MYH11: variants seen among roughly 807,000 people sequenced by gnomAD.
MYH11 encodes myosin heavy chain 11, also known as myosin-11.
In MYH11, 80 loss-of-function variants were observed where a neutral mutation model predicts 246.6. The observed-to-expected ratio is 0.32, with a 90% confidence interval of 0.27 to 0.39. The LOEUF (loss-of-function observed/expected upper bound fraction) is 0.39. Among genes scored for constraint, MYH11 ranks in the 10% least tolerant of loss-of-function variants. The pLI is 1.00. For missense variants in MYH11, 2,158 were observed against 2,546.8 expected (o/e 0.85, Z 3.29); for synonymous variants, 1,071 against 1,015.5 (o/e 1.05, Z -1.04).
intron 3 of MYH11, among the ~76,000 whole-genome samples, chr16:15,803,626 G>C (rs1237443892): frequency 6.6e-6 from 1 of 152,168 alleles, no homozygotes; most frequent in Non-Finnish European, 1.5e-5. Flanking sequence ...AGAACCTCCT[G>C]GGACCGGCCC....
At chr16:15,732,735 C>T (rs1201328914) in intron 26 of MYH11, 27 bp from the exon 27 acceptor site, 2 of 1,613,962 alleles carry the variant, frequency 1.2e-6, no homozygotes, top group Non-Finnish European at 1.7e-6. Context: ...CAGTGAATGG[C>T]AGTTGGGTGG....
At chr16:15,713,430 G>A (rs1298536138) in intron 40 of MYH11, 2 of 152,242 alleles carry the variant, frequency 1.3e-5, no homozygotes, top group Non-Finnish European at 2.9e-5. Flanking sequence ...AGCAGAGAGT[G>A]AGAAGATGAG....
At chr16:15,793,615 C>CTTTTTTTTTTTTTTTTTT (rs572455483) in intron 4 of MYH11, among the ~76,000 whole-genome samples, 1 of 93,820 alleles carries the variant, frequency 1.1e-5, no homozygotes, top group Non-Finnish European at 2.0e-5. Flanking sequence ...CTTTTCTTTT[C>CTTTTTTTTTTTTTTTTTT]TTTTTTTTTT....
intron 3 of MYH11, among the ~76,000 whole-genome samples, chr16:15,799,257 C>T (rs1362702065): frequency 6.6e-6 from 1 of 152,174 alleles, no homozygotes; most frequent in Non-Finnish European, 1.5e-5. Context: ...TAAGTACCTT[C>T]AACAAAGAGG....
At chr16:15,800,615 G>A (rs770788952) in intron 3 of MYH11, among the ~76,000 whole-genome samples, 18 of 151,084 alleles carry the variant, frequency 1.2e-4, no homozygotes, top group Non-Finnish European at 2.5e-4. Flanking sequence ...ATGGATGGAT[G>A]GATGGATGGA....
At chr16:15,715,138 G>A (rs769561428) in intron 39 of MYH11, 26 bp downstream of exon 39, 88 of 1,612,562 alleles carry the variant, frequency 5.5e-5, no homozygotes, top group Non-Finnish European at 2.5e-5. Context: ...CTGGGGGCTC[G>A]AGGGAGGCTG....
intron 4 of MYH11, among the ~76,000 whole-genome samples, chr16:15,789,044 T>C (rs1402778269): frequency 6.6e-6 from 1 of 152,154 alleles, no homozygotes; most frequent in Non-Finnish European, 1.5e-5. Flanking sequence ...CTTTGCTAAA[T>C]GCTCTACATG....
chr16:15,724,134 G>A (rs751888585), intron 31 of MYH11, 27 bp downstream of exon 31: 12 of 1,611,980 alleles, frequency 7.4e-6, no homozygotes, highest in Non-Finnish European at 1.0e-5. Context: ...TCCATGGCCA[G>A]AGTGGGGGAC....
intron 6 of MYH11, among the ~76,000 whole-genome samples, chr16:15,781,141 A>G (rs2042343983): frequency 6.6e-6 from 1 of 152,158 alleles, no homozygotes; most frequent in Non-Finnish European, 1.5e-5. Flanking sequence ...CTTGAGCTCA[A>G]GTGATCTGCC....
chr16:15,856,574 A>C (rs2044476822), intron 1 of MYH11, among the ~76,000 whole-genome samples: 1 of 151,708 alleles, frequency 6.6e-6, no homozygotes, highest in Admixed American at 6.6e-5. Context: ...CCAAGGGAGC[A>C]TATCTCCTGG....
At chr16:15,773,650 C>A (rs983598613) in intron 8 of MYH11, among the ~76,000 whole-genome samples, 1 of 152,032 alleles carries the variant, frequency 6.6e-6, no homozygotes, top group Non-Finnish European at 1.5e-5. Flanking sequence ...AAATCTGGTC[C>A]CCTGTTGTTT....
At chr16:15,803,434 G>T (rs1342121348) in intron 3 of MYH11, among the ~76,000 whole-genome samples, 1 of 151,784 alleles carries the variant, frequency 6.6e-6, no homozygotes, top group South Asian at 2.1e-4. Flanking sequence ...GTGCCACCAC[G>T]CCTGGCTAAT....
chr16:15,717,544 C>T, intron 37 of MYH11, 196 bp from the exon 38 acceptor site: 1 of 615,048 alleles, frequency 1.6e-6, no homozygotes. Context: ...CCTGTAATCC[C>T]AGCACTTTTG....
chr16:15,744,482 C>T (rs979382093), intron 20 of MYH11, among the ~76,000 whole-genome samples: 38 of 151,032 alleles, frequency 2.5e-4, no homozygotes, highest in African/African-American at 7.8e-4. Context: ...CGTGAGCCAC[C>T]GTGCCTGGCC....
chr16:15,842,525 G>A (rs745646628), intron 1 of MYH11, among the ~76,000 whole-genome samples: 10 of 151,970 alleles, frequency 6.6e-5, no homozygotes, highest in Non-Finnish European at 1.5e-4. Flanking sequence ...ACTTTGTTGG[G>A]GCTGAGGTAG....
chr16:15,816,782 G>T (rs1216602898), intron 3 of MYH11, among the ~76,000 whole-genome samples: 2 of 135,332 alleles, frequency 1.5e-5, no homozygotes, highest in Non-Finnish European at 3.1e-5. Context: ...CAGAGATATG[G>T]TGGTAAATAC....
At chr16:15,780,946 G>C (rs992536514) in intron 6 of MYH11, among the ~76,000 whole-genome samples, 2 of 152,210 alleles carry the variant, frequency 1.3e-5, no homozygotes, top group African/African-American at 4.8e-5. Flanking sequence ...AACATCATCA[G>C]TGCCTGAACT....
chr16:15,758,766 C>T (rs2041795652), intron 12 of MYH11, among the ~76,000 whole-genome samples: 1 of 150,990 alleles, frequency 6.6e-6, no homozygotes, highest in Admixed American at 6.6e-5. Context: ...CACTACTGCA[C>T]TCCGGCCTGG....
intron 1 of MYH11, among the ~76,000 whole-genome samples, chr16:15,839,626 G>A (rs570881624): frequency 9.9e-4 from 150 of 151,858 alleles, no homozygotes; most frequent in African/African-American, 3.5e-3. Flanking sequence ...CCCAGGAGGC[G>A]GAGGTTGCAG....
Sources: allele counts gnomAD v4.1 joint callset (sites outside exome capture counted in the v4.1 genomes callset), GRCh38; gene constraint gnomAD v4.1.1; transcripts MANE v1.5; gene names NCBI Gene and HGNC (gene_info 2026-07-23, HGNC 2026-07-21).